The following AEBP2 variants were observed in gnomAD, a reference collection of about 807,000 sequenced individuals.
AEBP2 encodes zinc finger protein AEBP2.
In AEBP2, 10 loss-of-function variants were observed where a neutral mutation model predicts 50.8. The observed-to-expected ratio is 0.20, with a 90% CI of 0.12 to 0.33. The LOEUF is 0.33. AEBP2 is among the 10% of genes least tolerant of loss of function. The probability of loss-of-function intolerance (pLI) is 1.00; values close to 1 mark genes in which losing one functional copy is unlikely to be tolerated. For missense variants in AEBP2, 570 were observed against 688.0 expected, an observed-to-expected ratio of 0.83 and a Z score of 1.92; for synonymous variants, 296 against 261.3, an observed-to-expected ratio of 1.13 and a Z score of -1.28.
chr12:19,433,718 G>T (rs1184238600), intron 1 of AEBP2, among the ~76,000 whole-genome samples: 4 of 151,904 alleles, frequency 2.6e-5, no homozygotes, highest in African/African-American at 7.2e-5. Context: ...GTGGAAAGGG[G>T]TGGGAGGGTG....
chr12:19,456,368 A>G, intron 1 of AEBP2: 1 of 1,379,400 alleles, frequency 7.2e-7, no homozygotes, highest in South Asian at 1.2e-5. Context: ...CAGCAGCGCG[A>G]CCCAGAGGTG....
intron 2 of AEBP2, 95 bp downstream of exon 2, chr12:19,462,812 GATT>G (rs1390884535): frequency 8.6e-7 from 1 of 1,164,510 alleles, no homozygotes; most frequent in Non-Finnish European, 1.2e-6. Context: ...AGTAATTTGG[GATT>G]ATTTTTACAC....
chr12:19,502,870 A>G (rs926856576), intron 5 of AEBP2, among the ~76,000 whole-genome samples: 4 of 151,102 alleles, frequency 2.6e-5, no homozygotes, highest in Non-Finnish European at 5.9e-5. Flanking sequence ...CTGGTCTCGA[A>G]CTCCCAACCT....
chr12:19,469,738 T>TGC (rs1235064098), intron 2 of AEBP2, among the ~76,000 whole-genome samples: 3 of 152,202 alleles, frequency 2.0e-5, no homozygotes, highest in Admixed American at 6.5e-5. Flanking sequence ...CAAGTCACTG[T>TGC]GCTCAGCAGG....
chr12:19,490,046 T>A (rs537307891), intron 3 of AEBP2, among the ~76,000 whole-genome samples: 5 of 133,352 alleles, frequency 3.7e-5, no homozygotes, highest in African/African-American at 1.4e-4. Flanking sequence ...GGAGTCTCCC[T>A]TTTTTGCCCA....
chr12:19,427,076 T>C (rs975027576), intron 1 of AEBP2, among the ~76,000 whole-genome samples: 3 of 151,978 alleles, frequency 2.0e-5, no homozygotes, highest in Non-Finnish European at 2.9e-5. Context: ...GAGGATTCGA[T>C]AGAATAAAAA....
chr12:19,490,828 C>T (rs1449874070), intron 3 of AEBP2, among the ~76,000 whole-genome samples: 1 of 152,042 alleles, frequency 6.6e-6, no homozygotes, highest in African/African-American at 2.4e-5. Flanking sequence ...CACAAGATAC[C>T]ACTTCACACT....
rs894116397 is a variant in AEBP2, at chr12:19,439,510, C to T, written c.-190C>T. On this transcript the variant is annotated 5_prime_UTR_variant, in exon 1 of 8. Coordinates refer to ENST00000266508, the MANE Select transcript of AEBP2 (RefSeq NM_153207.5). ...GCGCAGCAGTCTCCGTGTGAGTGCG[C>T]GTAGTCGCGCGCCTGTCCCCGCGCG... Among the ~76,000 whole-genome samples the T allele has an allele frequency of 2.8e-4, 43 of 151,996 alleles. No homozygotes were observed. The highest frequency in any genetic ancestry group is 5.9e-4 in the Non-Finnish European group (40 of 67,948).
At chr12:19,465,791 CT>C (rs11284427) in intron 2 of AEBP2, among the ~76,000 whole-genome samples, 66,704 of 107,248 alleles carry the variant, frequency 0.62, 19,038 homozygotes, top group African/African-American at 0.64. Context: ...ATTGTTTTTT[CT>C]TTTTTTTTTT....
chr12:19,451,212 C>T (rs141815444), intron 1 of AEBP2, among the ~76,000 whole-genome samples: 149 of 152,218 alleles, frequency 9.8e-4, no homozygotes, highest in Admixed American at 1.8e-3. Flanking sequence ...TGATTTGGGC[C>T]GGGTTCTGCA....
chr12:19,450,664 T>G (rs2153367931), intron 1 of AEBP2, among the ~76,000 whole-genome samples: 1 of 102,684 alleles, frequency 9.7e-6, no homozygotes, highest in Admixed American at 1.1e-4. Context: ...ATCCCATCTC[T>G]ACCAAAAAAA....
chr12:19,436,992 T>TAGGAGATATG (rs1947867078), upstream of AEBP2, among the ~76,000 whole-genome samples: 1 of 152,118 alleles, frequency 6.6e-6, no homozygotes, highest in African/African-American at 2.4e-5. Flanking sequence ...CTATCCCTGT[T>TAGGAGATATG]ACTCACCCTA....
At chr12:19,505,201 G>T (rs747816874) in intron 5 of AEBP2, among the ~76,000 whole-genome samples, 17 of 152,142 alleles carry the variant, frequency 1.1e-4, no homozygotes, top group Non-Finnish European at 1.6e-4. Flanking sequence ...TGAAATTTGG[G>T]AACATAGTTT....
At chr12:19,485,893 G>A (rs1157706631) in intron 3 of AEBP2, among the ~76,000 whole-genome samples, 3 of 151,172 alleles carry the variant, frequency 2.0e-5, no homozygotes, top group Non-Finnish European at 4.4e-5. Flanking sequence ...GAAGATGAGT[G>A]GCAGGTGACT....
intron 3 of AEBP2, among the ~76,000 whole-genome samples, chr12:19,492,450 T>A (rs931131872): frequency 6.6e-6 from 1 of 152,108 alleles, no homozygotes; most frequent in Non-Finnish European, 1.5e-5. Context: ...TACAGAAGGC[T>A]AAAGAGGCAG....
intron 1 of AEBP2, among the ~76,000 whole-genome samples, chr12:19,441,480 T>C (rs1947959056): frequency 6.6e-6 from 1 of 152,236 alleles, no homozygotes; most frequent in Non-Finnish European, 1.5e-5. Context: ...CAGAAAAGTA[T>C]AGCAATGGAA....
chr12:19,453,702 G>C (rs1476503460), intron 1 of AEBP2, among the ~76,000 whole-genome samples: 2 of 152,210 alleles, frequency 1.3e-5, no homozygotes, highest in Non-Finnish European at 2.9e-5. Context: ...GGGATTATAG[G>C]CGTGAGCCAC....
intron 5 of AEBP2, among the ~76,000 whole-genome samples, chr12:19,510,512 T>G (rs1176315123): frequency 3.9e-5 from 6 of 152,174 alleles, no homozygotes; most frequent in African/African-American, 1.4e-4. Context: ...CTGAGACCTA[T>G]AGTTGCCTAG....
intron 1 of AEBP2, among the ~76,000 whole-genome samples, chr12:19,453,789 G>C (rs1430523113): frequency 6.6e-6 from 1 of 151,954 alleles, no homozygotes; most frequent in Non-Finnish European, 1.5e-5. Context: ...TTAGCATCCA[G>C]TTTCTTTCTT....
Sources: gnomAD v4.1 joint callset for allele counts (sites outside exome capture counted in the v4.1 genomes callset) on GRCh38, gnomAD v4.1.1 for gene constraint, MANE v1.5 for transcripts, NCBI Gene and HGNC (gene_info 2026-07-23, HGNC 2026-07-21) for gene names.